CFAP299: variants seen among roughly 807,000 people sequenced by gnomAD.
The protein encoded by CFAP299 is cilia- and flagella-associated protein 299.
CFAP299 carries 21 observed loss-of-function variants against 27.0 expected under a neutral mutation model. That is an observed-to-expected ratio of 0.78 (90% CI 0.55 to 1.12). The LOEUF is 1.12. Among genes scored for constraint, CFAP299 ranks in the 50% most tolerant of loss-of-function variants. The pLI is 0.00. For synonymous variants in CFAP299, 104 were observed against 98.1 expected (o/e 1.06, Z -0.36); for missense variants, 310 against 276.6 (o/e 1.12, Z -0.86).
chr4:80,344,299 A>G lies in CFAP299; in HGVS notation c.111+8420A>G, dbSNP rs116842697. 3.9e-4 allele frequency among the ~76,000 whole-genome samples: 60 copies of G among 152,260 alleles called. No individual in the cohort carries two copies. In the East Asian group the frequency reaches 9.8e-3, roughly 25 times the overall value. ...AGAGAGAGAGAATCAAATGGACACA[A>G]TCAGAAATGATAAGGAAGATATCAC... is the stretch of plus-strand genomic sequence containing the variant. On this transcript the variant is annotated intron_variant, in intron 1 of 5. Transcript: ENST00000358105.
At chr4:80,624,084 G>C (rs148414761) in intron 3 of CFAP299, among the ~76,000 whole-genome samples, 168 of 152,206 alleles carry the variant, frequency 1.1e-3, no homozygotes, top group African/African-American at 3.9e-3. Context: ...GTTGATGCAT[G>C]ACTACAAATA....
At position 80,335,797 on chromosome 4, in the gene CFAP299, T is replaced by C; in HGVS notation, c.29T>C (p.Leu10Ser). The C allele has an allele frequency of 6.2e-7, 1 of 1,613,684 alleles. No individual in the cohort carries two copies. The highest frequency in any genetic ancestry group is 8.5e-7 in the Non-Finnish European group (1 of 1,179,556). The change falls in exon 1 of 6, where the codon TTG (leucine) becomes TCG (serine). Residue 10 changes from leucine to serine, a missense_variant. Physicochemically the swap from Leu to Ser is moderately radical, Grantham distance 145. Coordinates refer to ENST00000358105, the MANE Select transcript of CFAP299 (RefSeq NM_152770.3). Reference protein sequence around the residue: MDQEEGLKALDNIVTQFNAY... With the variant: MDQEEGLKASDNIVTQFNAY... ...GATCAGGAAGAGGGGCTGAAGGCCT[T>C]GGACAATATTGTCACTCAATTCAAC...
At chr4:80,348,219 C>T (rs1052145383) in intron 1 of CFAP299, among the ~76,000 whole-genome samples, 13 of 152,214 alleles carry the variant, frequency 8.5e-5, no homozygotes, top group African/African-American at 3.1e-4. Context: ...GGCAGTAACA[C>T]TCAGGACGTC....
rs1352651407 is a variant in CFAP299 at position 80,558,350 on chromosome 4, G to GTTTTTTT, written c.243-24740_243-24739insTTTTTTT. On this transcript the variant is annotated intron_variant, in intron 2 of 5. Coordinates refer to ENST00000358105, the MANE Select transcript of CFAP299 (RefSeq NM_152770.3). ...GAAGACTTTTGTGGTTTTTTTGTTT[G>GTTTTTTT]TTTGTTTGTTTGTTTGTTTTTTTTT... 5.7e-4 allele frequency among the ~76,000 whole-genome samples: 76 copies of GTTTTTTT among 132,198 alleles called. 7 individuals are homozygous for GTTTTTTT. Among genetic ancestry groups the GTTTTTTT allele is most frequent in the African/African-American group, 1.8e-3 (60 of 33,052 alleles). The allele number at this position is 132,198 out of a possible 152,430, so 86.7% of individuals were successfully genotyped here. A position where few individuals can be genotyped will look rare whatever the true frequency, so the allele number is the denominator to read the frequency against.
intron 4 of CFAP299, among the ~76,000 whole-genome samples, chr4:80,880,713 G>A (rs996709580): frequency 1.5e-4 from 23 of 151,404 alleles, no homozygotes; most frequent in African/African-American, 4.2e-4. Flanking sequence ...GTGACAGAGC[G>A]AGACTCCGTC....
rs545443487 is a variant in CFAP299 at position 80,529,000 on chromosome 4, A to G, written c.243-54093A>G. Among the ~76,000 whole-genome samples, 19 of 152,290 alleles carry G rather than the reference A, an allele frequency of 1.2e-4. No homozygotes were observed. In the South Asian group the frequency reaches 2.9e-3, roughly 23 times the overall value. ...CTATTTTATTTCAGGCCATTGAACT[A>G]TCTTGCCTGGATTATTTCTATAGCT... On this transcript the variant is annotated intron_variant, in intron 2 of 5. Coordinates refer to ENST00000358105, the MANE Select transcript of CFAP299 (RefSeq NM_152770.3).
chr4:80,330,398 T>C, the CFAP299 span, among the ~76,000 whole-genome samples: 1 of 152,162 alleles, frequency 6.6e-6, no homozygotes, highest in Admixed American at 6.5e-5. Flanking sequence ...GACCACAGCG[T>C]GGTCTACTTT....
chr4:80,551,754 ATT>A (rs552293572), intron 2 of CFAP299, among the ~76,000 whole-genome samples: 4 of 143,696 alleles, frequency 2.8e-5, no homozygotes, highest in Admixed American at 7.0e-5. Flanking sequence ...TATATCTATG[ATT>A]TTTTTTTTTT....
At chr4:80,837,649 T>G (rs995777678) in intron 3 of CFAP299, among the ~76,000 whole-genome samples, 2 of 152,200 alleles carry the variant, frequency 1.3e-5, no homozygotes, top group African/African-American at 4.8e-5. Flanking sequence ...TGTTCCATGG[T>G]GTATATGTGC....
At chr4:80,400,871 A>G (rs1413020304) in intron 2 of CFAP299, among the ~76,000 whole-genome samples, 4 of 152,332 alleles carry the variant, frequency 2.6e-5, no homozygotes, top group East Asian at 3.9e-4. Context: ...GCTTTGCCCA[A>G]AATGCTGACA....
intron 3 of CFAP299, among the ~76,000 whole-genome samples, chr4:80,770,050 C>T (rs1184040173): frequency 6.6e-6 from 1 of 152,068 alleles, no homozygotes; most frequent in Middle Eastern, 3.2e-3. Flanking sequence ...AGTTTATTAG[C>T]TTGTTTCCTG....
chr4:80,602,644 ATCTT>A (rs1346646502), intron 3 of CFAP299, among the ~76,000 whole-genome samples: 1 of 152,038 alleles, frequency 6.6e-6, no homozygotes, highest in Non-Finnish European at 1.5e-5. Context: ...CTGGTGGCTA[ATCTT>A]TCTTTCCTTC....
At chr4:80,750,995 A>G (rs2110070767) in intron 3 of CFAP299, among the ~76,000 whole-genome samples, 1 of 152,082 alleles carries the variant, frequency 6.6e-6, no homozygotes, top group South Asian at 2.1e-4. Context: ...GTTATTACCC[A>G]CCTTCTGAAA....
intron 2 of CFAP299, among the ~76,000 whole-genome samples, chr4:80,572,612 G>C (rs1017885530): frequency 7.1e-6 from 1 of 140,058 alleles, no homozygotes; most frequent in Non-Finnish European, 1.5e-5. Flanking sequence ...CCGCCTCCCA[G>C]GTTCAAGTGA....
chr4:80,777,309 C>T (rs1025731155), intron 3 of CFAP299, among the ~76,000 whole-genome samples: 5 of 152,016 alleles, frequency 3.3e-5, no homozygotes, highest in African/African-American at 1.2e-4. Flanking sequence ...TTTTGCATCC[C>T]CCATTCCTAC....
In CFAP299 at chr4:80,467,416, G is replaced by T. The variant is rs186163777; in HGVS notation, c.242+104532G>T. On this transcript the variant is annotated intron_variant, in intron 2 of 5. Transcript: ENST00000358105. ...TCCCTTTTTCACTCATCTTCATTTTGCTCTAGATTTCCTCTACAGATGAAT... is the reference window on the plus strand; with the variant it reads ...TCCCTTTTTCACTCATCTTCATTTTTCTCTAGATTTCCTCTACAGATGAAT... 4.1e-4 allele frequency among the ~76,000 whole-genome samples: 62 copies of T among 152,138 alleles called. No homozygotes were observed. The East Asian group carries it at 4.8e-3, about 12-fold the overall frequency.
chr4:80,329,414 C>T, the CFAP299 span, among the ~76,000 whole-genome samples: 2 of 152,064 alleles, frequency 1.3e-5, no homozygotes, highest in East Asian at 3.9e-4. Flanking sequence ...TTTTTGGTTG[C>T]ACTCTCAAAG....
chr4:80,895,170 CCA>C (rs66497721), intron 4 of CFAP299, among the ~76,000 whole-genome samples: 7,380 of 132,034 alleles, frequency 0.056, 258 homozygotes, highest in South Asian at 0.088. Context: ...AATGTTCTCA[CCA>C]CACACACACA....
intron 3 of CFAP299, among the ~76,000 whole-genome samples, chr4:80,654,506 C>T (rs1740458583): frequency 6.6e-6 from 1 of 152,056 alleles, no homozygotes; most frequent in Admixed American, 6.6e-5. Context: ...GGCAAAATGC[C>T]ATCAGAAATT....
Sources: gnomAD v4.1 joint callset for allele counts (sites outside exome capture counted in the v4.1 genomes callset) on GRCh38, gnomAD v4.1.1 for gene constraint, MANE v1.5 for transcripts, NCBI Gene and HGNC (gene_info 2026-07-23, HGNC 2026-07-21) for gene names.